PBX1: variants seen among roughly 807,000 people sequenced by gnomAD.
The protein encoded by PBX1 is PBX homeobox 1.
Under a neutral mutation model 53.4 loss-of-function variants are expected in PBX1, and 6 were observed. That is an observed-to-expected ratio of 0.11 (90% CI 0.06 to 0.22). The LOEUF (loss-of-function observed/expected upper bound fraction) is 0.22. PBX1 is among the 10% of genes least tolerant of loss of function. The pLI is 1.00. For synonymous variants in PBX1, 204 were observed against 212.3 expected (o/e 0.96, Z 0.34); for missense variants, 251 against 551.4 (o/e 0.46, Z 5.46).
At chr1:164,872,642 G>A (rs1210119715) in intron 2 of PBX1, among the ~76,000 whole-genome samples, 7 of 152,202 alleles carry the variant, frequency 4.6e-5, no homozygotes, top group East Asian at 1.9e-4. Flanking sequence ...CCTTTATGCC[G>A]CCTAAGACTG....
At chr1:164,814,680 T>TA in intron 6 of PBX1, 1 of 152,356 alleles carries the variant, frequency 6.6e-6, no homozygotes, top group South Asian at 2.1e-4. Context: ...GTGCAGATTG[T>TA]AGTGAGCTGA....
chr1:164,659,203 A>G (rs1447448250), intron 2 of PBX1, among the ~76,000 whole-genome samples: 2 of 152,218 alleles, frequency 1.3e-5, no homozygotes, highest in African/African-American at 4.8e-5. Context: ...TCTAGAAATC[A>G]CATCCTGAGA....
In PBX1 at chr1:164,799,485, C is replaced by T. The variant is rs539446543; in HGVS notation, c.511-214C>T. Among the ~76,000 whole-genome samples the T allele has an allele frequency of 3.9e-5, 6 of 152,118 alleles. No individual in the cohort carries two copies. In the East Asian group the frequency reaches 5.8e-4, roughly 15 times the overall value. The stretch of plus-strand genomic sequence containing the variant: ...CAGCCTGGGCGACCGAGCGAGACTC[C>T]GTCTCAAAAAAAATAAATAAATAAA... On this transcript the variant is annotated intron_variant, in intron 3 of 8. Transcript: ENST00000420696.
At chr1:164,883,504 G>T (rs912438107) in intron 2 of PBX1, among the ~76,000 whole-genome samples, 2 of 152,088 alleles carry the variant, frequency 1.3e-5, no homozygotes, top group African/African-American at 4.8e-5. Context: ...TAACACAATA[G>T]TCCTCATTTT....
intron 2 of PBX1, among the ~76,000 whole-genome samples, chr1:164,573,551 G>A (rs1654019171): frequency 6.7e-6 from 1 of 148,932 alleles, no homozygotes; most frequent in Admixed American, 6.7e-5. Flanking sequence ...GAGTGCAGTG[G>A]CGTGATCTCG....
intron 2 of PBX1, among the ~76,000 whole-genome samples, chr1:164,727,834 T>C (rs1164600518): frequency 6.6e-6 from 1 of 152,232 alleles, no homozygotes; most frequent in African/African-American, 2.4e-5. Context: ...TCCCAACCTG[T>C]AGGAAGTACT....
At chr1:164,664,412 C>T (rs1441760867) in intron 2 of PBX1, among the ~76,000 whole-genome samples, 1 of 152,124 alleles carries the variant, frequency 6.6e-6, no homozygotes, top group Non-Finnish European at 1.5e-5. Flanking sequence ...TGTGGGAAGC[C>T]CCGGTACATC....
intron 2 of PBX1, among the ~76,000 whole-genome samples, chr1:164,669,167 G>T (rs1660981817): frequency 6.6e-6 from 1 of 152,098 alleles, no homozygotes; most frequent in Non-Finnish European, 1.5e-5. Flanking sequence ...TAAGTAAATG[G>T]CTCTGAGACA....
At chr1:164,616,174 T>C (rs1452716876) in intron 2 of PBX1, among the ~76,000 whole-genome samples, 1 of 152,186 alleles carries the variant, frequency 6.6e-6, no homozygotes, top group Non-Finnish European at 1.5e-5. Flanking sequence ...TGGTGGTTCT[T>C]CATGCCCGGG....
At chr1:164,731,715 G>T (rs1557972273) in intron 2 of PBX1, among the ~76,000 whole-genome samples, 1 of 152,136 alleles carries the variant, frequency 6.6e-6, no homozygotes, top group Admixed American at 6.5e-5. Flanking sequence ...AATTTACTGC[G>T]ACTTGGCTAA....
At chr1:164,767,926 A>T (rs1312958993) in intron 2 of PBX1, among the ~76,000 whole-genome samples, 1 of 152,194 alleles carries the variant, frequency 6.6e-6, no homozygotes, top group Non-Finnish European at 1.5e-5. Flanking sequence ...TGAAGGACTC[A>T]TGTTGTTGAA....
chr1:164,682,687 C>A (rs531672487), intron 2 of PBX1: 1 of 152,180 alleles, frequency 6.6e-6, no homozygotes, highest in South Asian at 2.1e-4. Context: ...AAATAGCAAC[C>A]TCATTCCTCA....
At chr1:164,726,583 C>A (rs1007715234) in intron 2 of PBX1, among the ~76,000 whole-genome samples, 2 of 152,158 alleles carry the variant, frequency 1.3e-5, no homozygotes, top group African/African-American at 4.8e-5. Flanking sequence ...TAAGCATAGC[C>A]ACTTACCACA....
chr1:164,563,596 G>A lies in PBX1; in HGVS notation c.265+285G>A, dbSNP rs535781866. Among the ~76,000 whole-genome samples, 77 of 152,256 alleles carry A rather than the reference G, an allele frequency of 5.1e-4. 1 individual carries two copies. The South Asian group carries it at 6.0e-3, about 12-fold the overall frequency. On this transcript the variant is annotated intron_variant, in intron 2 of 8. Coordinates refer to ENST00000420696, the MANE Select transcript of PBX1 (RefSeq NM_002585.4). ...GATTCTGAAAGGAAATTTATAGACT[G>A]ATGTATCTTTGGGGCAAAAATATGA... is the stretch of plus-strand genomic sequence containing the variant.
intron 2 of PBX1, among the ~76,000 whole-genome samples, chr1:164,753,807 C>G (rs1666350321): frequency 6.6e-6 from 1 of 152,096 alleles, no homozygotes; most frequent in Non-Finnish European, 1.5e-5. Context: ...ATTTCCTTTT[C>G]AATTTGGGCC....
At chr1:164,668,429 T>A (rs1660932500) in intron 2 of PBX1, among the ~76,000 whole-genome samples, 1 of 152,100 alleles carries the variant, frequency 6.6e-6, no homozygotes, top group Admixed American at 6.6e-5. Context: ...CGCCAACATC[T>A]TCCTCCACCC....
chr1:164,706,976 G>A (rs967478582), intron 2 of PBX1, among the ~76,000 whole-genome samples: 1 of 152,206 alleles, frequency 6.6e-6, no homozygotes, highest in East Asian at 1.9e-4. Context: ...TTTAGGACCT[G>A]TGTTTGTCCT....
rs574478066 is a variant in PBX1, at chr1:164,738,915, C to G, written c.266-53579C>G. Among the ~76,000 whole-genome samples the G allele has an allele frequency of 3.3e-5, 5 of 152,320 alleles. 1 individual carries two copies. The highest frequency in any genetic ancestry group is 1.2e-4 in the African/African-American group (5 of 41,576). On this transcript the variant is annotated intron_variant, in intron 2 of 8. Coordinates refer to ENST00000420696, the MANE Select transcript of PBX1 (RefSeq NM_002585.4). ...TTTCCAAGAAACCTTCCCTAAGTAACTCATCCTTACTTCTCATTTCTTCCA... is the reference window on the plus strand; with the variant it reads ...TTTCCAAGAAACCTTCCCTAAGTAAGTCATCCTTACTTCTCATTTCTTCCA...
intron 8 of PBX1, among the ~76,000 whole-genome samples, chr1:164,841,895 G>C (rs1000310797): frequency 6.6e-6 from 1 of 152,156 alleles, no homozygotes; most frequent in Non-Finnish European, 1.5e-5. Flanking sequence ...GGCATCTCTA[G>C]TAATGGCATC....
Sources: allele counts gnomAD v4.1 joint callset (sites outside exome capture counted in the v4.1 genomes callset), GRCh38; gene constraint gnomAD v4.1.1; transcripts MANE v1.5; gene names NCBI Gene and HGNC (gene_info 2026-07-23, HGNC 2026-07-21).